Variants in SMIM10L3 observed in about 807,000 individuals in gnomAD.
SMIM10L3 encodes the protein salivary gland specific protein SAGSIN1.
chr7:6,329,507 C>T, the SMIM10L3 span: 1 of 152,864 alleles, frequency 6.5e-6, no homozygotes, highest in South Asian at 2.1e-4. Flanking sequence ...CAGCACACAG[C>T]ATAAACTGAT....
chr7:6,336,006 C>G, the SMIM10L3 span, among the ~76,000 whole-genome samples: 2 of 151,934 alleles, frequency 1.3e-5, no homozygotes, highest in Non-Finnish European at 2.9e-5. Flanking sequence ...AACCCCGTCT[C>G]TACTAAAAAT....
the SMIM10L3 span, among the ~76,000 whole-genome samples, chr7:6,344,530 C>T: frequency 9.9e-5 from 15 of 151,958 alleles, no homozygotes; most frequent in African/African-American, 3.6e-4. Context: ...TCAAGTGATC[C>T]ACCTCAGTCT....
the SMIM10L3 span, among the ~76,000 whole-genome samples, chr7:6,333,413 A>C: frequency 6.6e-6 from 1 of 152,130 alleles, no homozygotes; most frequent in Non-Finnish European, 1.5e-5. Flanking sequence ...GAATAGACAC[A>C]CTAGTTAGGA....
chr7:6,337,866 C>G, the SMIM10L3 span, among the ~76,000 whole-genome samples: 1 of 151,482 alleles, frequency 6.6e-6, no homozygotes, highest in Non-Finnish European at 1.5e-5. Context: ...TGCAGTGGTG[C>G]AATCTTGGCT....
chr7:6,335,740 T>C, the SMIM10L3 span, among the ~76,000 whole-genome samples: 1 of 152,098 alleles, frequency 6.6e-6, no homozygotes. Flanking sequence ...TTCACTAAAA[T>C]ATATTTGAAC....
chr7:6,330,551 C>T, the SMIM10L3 span: 4 of 1,614,148 alleles, frequency 2.5e-6, no homozygotes, highest in East Asian at 8.9e-5. Flanking sequence ...CTCAGGAGCA[C>T]TTCGGGATAC....
the SMIM10L3 span, chr7:6,330,524 T>C: frequency 6.2e-7 from 1 of 1,614,120 alleles, no homozygotes; most frequent in Non-Finnish European, 8.5e-7. Context: ...TCAAGGAAAA[T>C]GCGTTTTGTC....
At chr7:6,344,390 T>G in the SMIM10L3 span, among the ~76,000 whole-genome samples, 1 of 152,172 alleles carries the variant, frequency 6.6e-6, no homozygotes, top group Non-Finnish European at 1.5e-5. Context: ...GGCTGCTTGT[T>G]GCACTTGGTC....
At chr7:6,348,910 C>T in the SMIM10L3 span, 8 of 385,640 alleles carry the variant, frequency 2.1e-5, no homozygotes, top group Non-Finnish European at 3.2e-5. Context: ...GTCCGCACGT[C>T]ACGCTCGGAG....
At chr7:6,335,918 A>G in the SMIM10L3 span, among the ~76,000 whole-genome samples, 2 of 151,946 alleles carry the variant, frequency 1.3e-5, no homozygotes, top group Non-Finnish European at 2.9e-5. Flanking sequence ...CACACCTGTA[A>G]TCCCAGCACT....
the SMIM10L3 span, among the ~76,000 whole-genome samples, chr7:6,348,232 A>AG: frequency 0.22 from 31,442 of 145,154 alleles, 4,183 homozygotes; most frequent in East Asian, 0.52. Context: ...ATTAAAAATA[A>AG]GGGGGGGGGT....
the SMIM10L3 span, among the ~76,000 whole-genome samples, chr7:6,342,142 T>A: frequency 2.6e-5 from 4 of 152,196 alleles, no homozygotes; most frequent in Non-Finnish European, 4.4e-5. Flanking sequence ...TAGGTTGGTA[T>A]ACCAAGCAGA....
the SMIM10L3 span, among the ~76,000 whole-genome samples, chr7:6,347,883 T>TTA: frequency 2.7e-4 from 35 of 131,534 alleles, no homozygotes; most frequent in African/African-American, 9.0e-4. Flanking sequence ...ACGAGACCCC[T>TTA]TTATTATTAT....
the SMIM10L3 span, among the ~76,000 whole-genome samples, chr7:6,338,858 G>C: frequency 4.9e-4 from 74 of 152,320 alleles, no homozygotes; most frequent in African/African-American, 1.6e-3. Context: ...AGTCCCAAAG[G>C]GGAGAAGACA....
At chr7:6,346,881 G>A in the SMIM10L3 span, among the ~76,000 whole-genome samples, 4 of 152,146 alleles carry the variant, frequency 2.6e-5, no homozygotes, top group Non-Finnish European at 5.9e-5. Context: ...ACGCCAGGGA[G>A]CAACCCAAGG....
the SMIM10L3 span, among the ~76,000 whole-genome samples, chr7:6,343,996 C>A: frequency 6.6e-6 from 1 of 152,190 alleles, no homozygotes; most frequent in Admixed American, 6.6e-5. Flanking sequence ...GGTGATCCTC[C>A]CACCTCAGCC....
chr7:6,333,834 T>A, the SMIM10L3 span, among the ~76,000 whole-genome samples: 1 of 146,272 alleles, frequency 6.8e-6, no homozygotes, highest in Non-Finnish European at 1.5e-5. Context: ...CTCGAACTCC[T>A]GGCCTCTTTT....
the SMIM10L3 span, chr7:6,348,880 G>A: frequency 1.8e-5 from 7 of 388,784 alleles, no homozygotes; most frequent in Non-Finnish European, 3.2e-5. Flanking sequence ...CGGCGGGCGG[G>A]CGGGCCGCAG....
chr7:6,348,780 G>GC, the SMIM10L3 span: 78 of 397,500 alleles, frequency 2.0e-4, no homozygotes, highest in Non-Finnish European at 3.2e-4. Context: ...CGCTCCCACA[G>GC]CCCCCCCGCC....
Sources: allele counts gnomAD v4.1 joint callset (sites outside exome capture counted in the v4.1 genomes callset), GRCh38; gene constraint gnomAD v4.1.1; transcripts MANE v1.5; gene names NCBI Gene and HGNC (gene_info 2026-07-23, HGNC 2026-07-21).